Variants in MTIF2 observed in about 807,000 individuals in gnomAD.
The protein encoded by MTIF2 is mitochondrial translational initiation factor 2.
Under a neutral mutation model 83.5 loss-of-function variants are expected in MTIF2, and 71 were observed. The ratio of observed to expected loss-of-function variants is 0.85; its 90% CI spans 0.70 to 1.04. The LOEUF is 1.04. Ranked by LOEUF, MTIF2 falls within the 50% of genes least tolerant of loss-of-function variation. The probability of loss-of-function intolerance (pLI) is 0.00; values close to 1 mark genes in which losing one functional copy is unlikely to be tolerated. For synonymous variants in MTIF2, 319 were observed against 287.1 expected, an observed-to-expected ratio of 1.11 and a Z score of -1.12; for missense variants, 957 against 846.5, an observed-to-expected ratio of 1.13 and a Z score of -1.62.
chr2:55,256,130 C>A (rs1677510347), intron 5 of MTIF2, among the ~76,000 whole-genome samples: 1 of 152,138 alleles, frequency 6.6e-6, no homozygotes, highest in African/African-American at 2.4e-5. Context: ...CTGCCTCGGC[C>A]TCCCAGAGTG....
chr2:55,251,077 T>G (rs1001214966), intron 8 of MTIF2, among the ~76,000 whole-genome samples: 1 of 120,092 alleles, frequency 8.3e-6, no homozygotes, highest in South Asian at 2.6e-4. Context: ...ACCACTGCAC[T>G]CCAGCCTGGG....
intron 12 of MTIF2, 47 bp downstream of exon 12, chr2:55,243,368 AC>A (rs1170292391): frequency 6.7e-6 from 10 of 1,491,810 alleles, no homozygotes; most frequent in African/African-American, 2.8e-5. Context: ...GAATAAAAAA[AC>A]ATATATTCAA....
chr2:55,252,533 T>C lies in MTIF2; in HGVS notation c.785A>G (p.Asp262Gly), dbSNP rs1303716965. 6.2e-7 allele frequency: 1 copy of C among 1,614,186 alleles called. No individual in the cohort carries two copies. The highest frequency in any genetic ancestry group is 8.5e-7 in the Non-Finnish European group (1 of 1,180,016). ...TDIVVLVVAA[D>G]DGVMKQTVES... ...TACAGTTTGTTTCATCACTCCATCA[T>C]CTGCAGCTACAACCAATACGACAAT... is the stretch of plus-strand genomic sequence containing the variant. Residue 262 changes from aspartate to glycine, a missense_variant, in exon 8 of 16, where the codon GAT becomes GGT. Physicochemically the swap from Asp to Gly is moderately conservative, Grantham distance 94. Coordinates refer to ENST00000263629, the MANE Select transcript of MTIF2 (RefSeq NM_002453.3).
At chr2:55,265,531 T>A (rs1678367104) in intron 3 of MTIF2, among the ~76,000 whole-genome samples, 1 of 152,024 alleles carries the variant, frequency 6.6e-6, no homozygotes, top group South Asian at 2.1e-4. Context: ...TTTTTTTTGT[T>A]TGTCTGTTTG....
intron 5 of MTIF2, among the ~76,000 whole-genome samples, chr2:55,259,395 G>A (rs1177332704): frequency 6.6e-6 from 1 of 151,740 alleles, no homozygotes; most frequent in Non-Finnish European, 1.5e-5. Flanking sequence ...GGGGTTTAGA[G>A]TACTGCTCCA....
chr2:55,266,125 C>T (rs1420461450), intron 3 of MTIF2, among the ~76,000 whole-genome samples: 1 of 151,928 alleles, frequency 6.6e-6, no homozygotes, highest in Non-Finnish European at 1.5e-5. Context: ...CACATATATT[C>T]TTCAGCATTA....
chr2:55,252,628 T>A lies in MTIF2; in HGVS notation c.690A>T (p.Ile230=). The A allele has an allele frequency of 6.2e-7, 1 of 1,613,432 alleles. No individual in the cohort carries two copies. The highest frequency in any genetic ancestry group is 8.5e-7 in the Non-Finnish European group (1 of 1,179,668). ...FLVSLPSGEK[I]TFLDTPGHAA... is the part of the protein sequence containing the mutation. ...CATGTCCTGGAGTATCAAGAAAAGT[T>A]ATCTTTTCCCCAGAAGGCAGAGAGA... The change falls in exon 8 of 16, where the codon ATA becomes ATT. Residue 230 remains isoleucine (I), a synonymous_variant. Transcript: ENST00000263629.
At chr2:55,240,669 T>C (rs1676241629) in intron 13 of MTIF2, among the ~76,000 whole-genome samples, 1 of 152,232 alleles carries the variant, frequency 6.6e-6, no homozygotes, top group Admixed American at 6.5e-5. Context: ...GAAAGAATTT[T>C]ATAAACTGTA....
rs1304917264 is a variant in MTIF2, at chr2:55,244,195, C to G, written c.1145G>C (p.Arg382Thr). Reference protein sequence around the residue: ...TTAIIQRGTLRKGSVLVAGKC... With the variant: ...TTAIIQRGTLTKGSVLVAGKC... ...TCCAGCAACCAGAACAGAGCCTTTT[C>G]TTAAAGTTCCTCTTTGAATTATAGC... The change falls in exon 11 of 16, where the codon AGA (arginine) becomes ACA (threonine). Residue 382 changes from arginine (R) to threonine (T), a missense_variant. Arg to Thr is a moderately conservative substitution (Grantham distance 71). Transcript: ENST00000263629. The G allele has an allele frequency of 6.2e-7, 1 of 1,613,876 alleles. No homozygotes were observed. Among genetic ancestry groups the G allele is most frequent in the African/African-American group, 1.3e-5 (1 of 74,902 alleles).
chr2:55,241,287 A>C (rs915059274), intron 13 of MTIF2, among the ~76,000 whole-genome samples: 2 of 151,696 alleles, frequency 1.3e-5, no homozygotes, highest in Non-Finnish European at 1.5e-5. Context: ...GCATGGTGGC[A>C]GACACCTATA....
At chr2:55,265,072 G>A (rs1277212187) in intron 3 of MTIF2, among the ~76,000 whole-genome samples, 1 of 151,828 alleles carries the variant, frequency 6.6e-6, no homozygotes, top group Non-Finnish European at 1.5e-5. Flanking sequence ...GTGAAACCCT[G>A]TCTCTACTAA....
Position 55,246,346 on chromosome 2 carries a change from T to C in MTIF2, c.1097A>G (p.Lys366Arg). The change falls in exon 10 of 16, where the codon AAA becomes AGA. Residue 366 changes from lysine (K) to arginine (R), a missense_variant. Coordinates refer to ENST00000263629, the MANE Select transcript of MTIF2 (RefSeq NM_002453.3). ...ATTTTAAGAGTCCTACCCTCTTCCTTTGTCTGTGAAAGACTCTATTACTGT... is the reference window on the plus strand; with the variant it reads ...ATTTTAAGAGTCCTACCCTCTTCCTCTGTCTGTGAAAGACTCTATTACTGT... Reference protein sequence around the residue: ...EGTVIESFTDKGRGLVTTAII... With the variant: ...EGTVIESFTDRGRGLVTTAII... 1 of 1,613,646 alleles carries C rather than the reference T, an allele frequency of 6.2e-7. No homozygotes were observed. Among genetic ancestry groups the C allele is most frequent in the Non-Finnish European group, 8.5e-7 (1 of 1,179,728 alleles).
intron 10 of MTIF2, among the ~76,000 whole-genome samples, chr2:55,244,931 C>T (rs901847806): frequency 6.6e-6 from 1 of 152,068 alleles, no homozygotes; most frequent in Non-Finnish European, 1.5e-5. Flanking sequence ...CCTACAGTCC[C>T]AGCTACTCGG....
rs745550492 is a variant in MTIF2 at position 55,237,333 on chromosome 2, GT to G, written c.1965del (p.Lys655AsnfsTer7). On this transcript the variant is annotated frameshift_variant, in exon 15 of 16. Coordinates refer to ENST00000263629, the MANE Select transcript of MTIF2 (RefSeq NM_002453.3). LOFTEE classifies it high-confidence loss of function. ...GCRVQKGQLE[K>X]QKKFKLTRNG... The stretch of plus-strand genomic sequence containing the variant: ...TTACGGGTTAGTTTAAATTTTTTTT[GT>G]TTTTCTAACTGTCCCTTTTGGACTC... 6.2e-7 allele frequency: 1 copy of G among 1,611,622 alleles called. No individual in the cohort carries two copies.
intron 10 of MTIF2, among the ~76,000 whole-genome samples, chr2:55,245,751 T>TA (rs34006068): frequency 0.69 from 104,303 of 150,834 alleles, 37,305 homozygotes; most frequent in Non-Finnish European, 0.79. Context: ...TACCATAATT[T>TA]AAAAAAAAAA....
chr2:55,251,117 A>G (rs1421331599), intron 8 of MTIF2, among the ~76,000 whole-genome samples: 2 of 151,404 alleles, frequency 1.3e-5, no homozygotes, highest in Admixed American at 6.6e-5. Flanking sequence ...TCTCAAAAAA[A>G]AAAAAAAAAA....
chr2:55,240,199 T>C (rs762075274), intron 13 of MTIF2, 24 bp from the exon 14 acceptor site: 54 of 1,574,340 alleles, frequency 3.4e-5, no homozygotes, highest in Non-Finnish European at 6.1e-6. Flanking sequence ...ATATGATCAA[T>C]GAAGTAGCAC....
intron 14 of MTIF2, among the ~76,000 whole-genome samples, chr2:55,238,137 G>A (rs1194216441): frequency 3.3e-5 from 5 of 151,246 alleles, no homozygotes; most frequent in African/African-American, 9.7e-5. Flanking sequence ...TCAAGCTCCT[G>A]GGCTCAAGCA....
intron 3 of MTIF2, among the ~76,000 whole-genome samples, chr2:55,264,377 G>A (rs1487284214): frequency 1.3e-5 from 2 of 152,110 alleles, no homozygotes; most frequent in Non-Finnish European, 2.9e-5. Flanking sequence ...GACTAGAGGT[G>A]CGCACCACTA....
Sources: allele counts gnomAD v4.1 joint callset (sites outside exome capture counted in the v4.1 genomes callset), GRCh38; gene constraint gnomAD v4.1.1; transcripts MANE v1.5; gene names NCBI Gene and HGNC (gene_info 2026-07-23, HGNC 2026-07-21).